NEK1: variants seen among roughly 807,000 people sequenced by gnomAD.
The protein encoded by NEK1 is serine/threonine-protein kinase Nek1.
NEK1 carries 137 observed loss-of-function variants against 182.1 expected under a neutral mutation model. The ratio of observed to expected loss-of-function variants is 0.75; its 90% CI spans 0.65 to 0.87. The LOEUF is 0.87. Among genes scored for constraint, NEK1 ranks in the 40% least tolerant of loss-of-function variants. The probability of loss-of-function intolerance (pLI) is 0.00; values close to 1 mark genes in which losing one functional copy is unlikely to be tolerated. For synonymous variants in NEK1, 513 were observed against 492.2 expected, an observed-to-expected ratio of 1.04 and a Z score of -0.56; for missense variants, 1,391 against 1,494.4, an observed-to-expected ratio of 0.93 and a Z score of 1.14.
At chr4:169,473,556 T>A (rs1340756807) in intron 26 of NEK1, among the ~76,000 whole-genome samples, 1 of 152,006 alleles carries the variant, frequency 6.6e-6, no homozygotes, top group Admixed American at 6.5e-5. Flanking sequence ...AATAAATAAA[T>A]ATTTAAAGTA....
chr4:169,436,402 T>C (rs1025328563), intron 28 of NEK1, among the ~76,000 whole-genome samples: 1 of 152,134 alleles, frequency 6.6e-6, no homozygotes, highest in African/African-American at 2.4e-5. Context: ...GAAAAACAGT[T>C]ACTGGAGGCT....
At chr4:169,494,802 A>G (rs1054862082) in intron 23 of NEK1, among the ~76,000 whole-genome samples, 2 of 152,208 alleles carry the variant, frequency 1.3e-5, no homozygotes, top group South Asian at 4.1e-4. Flanking sequence ...AACTGGTGTG[A>G]GATGGTATCT....
At chr4:169,466,349 G>A (rs1177705210) in intron 26 of NEK1, among the ~76,000 whole-genome samples, 2 of 151,924 alleles carry the variant, frequency 1.3e-5, no homozygotes, top group Non-Finnish European at 2.9e-5. Flanking sequence ...TGACGAAAGT[G>A]ACATCAAGGC....
chr4:169,548,167 C>G (rs780875033), intron 18 of NEK1, among the ~76,000 whole-genome samples: 2 of 152,124 alleles, frequency 1.3e-5, no homozygotes, highest in African/African-American at 2.4e-5. Context: ...GAGTGTATGT[C>G]CTTTTTGATA....
At chr4:169,551,188 C>CA (rs538233248) in intron 18 of NEK1, among the ~76,000 whole-genome samples, 5 of 151,840 alleles carry the variant, frequency 3.3e-5, no homozygotes, top group South Asian at 4.2e-4. Context: ...CTTTTTATTA[C>CA]AAAAAAAACT....
intron 29 of NEK1, among the ~76,000 whole-genome samples, chr4:169,431,656 C>A (rs1737460784): frequency 6.6e-6 from 1 of 151,728 alleles, no homozygotes. Flanking sequence ...GCTGGCCAGG[C>A]ACAGTCTCAT....
At chr4:169,564,780 A>G (rs1295011008) in intron 12 of NEK1, among the ~76,000 whole-genome samples, 2 of 152,192 alleles carry the variant, frequency 1.3e-5, no homozygotes, top group Non-Finnish European at 2.9e-5. Context: ...GATATCTAAA[A>G]TATGTAATAC....
intron 23 of NEK1, among the ~76,000 whole-genome samples, chr4:169,504,706 C>T (rs1035740085): frequency 2.6e-5 from 4 of 151,924 alleles, no homozygotes; most frequent in Admixed American, 6.6e-5. Context: ...TTCATGGAAA[C>T]GGAACATGAT....
intron 35 of NEK1, 115 bp from the exon 36 acceptor site, chr4:169,394,638 C>T (rs1730395141): frequency 1.8e-6 from 1 of 561,762 alleles, no homozygotes; most frequent in Non-Finnish European, 3.1e-6. Context: ...TTTAAACATA[C>T]TTTTAAAATT....
intron 19 of NEK1, among the ~76,000 whole-genome samples, chr4:169,524,490 T>TGAATGAAAAATGTC (rs1756592262): frequency 1.3e-5 from 2 of 150,368 alleles, no homozygotes; most frequent in African/African-American, 4.9e-5. Flanking sequence ...AGAAAAATGT[T>TGAATGAAAAATGTC]GAATGAAAAA....
At chr4:169,499,258 C>A (rs1244830372) in intron 23 of NEK1, among the ~76,000 whole-genome samples, 1 of 152,156 alleles carries the variant, frequency 6.6e-6, no homozygotes, top group Non-Finnish European at 1.5e-5. Flanking sequence ...CCATCAGGTT[C>A]TTTAAGGACT....
chr4:169,558,890 C>G (rs949324752), intron 16 of NEK1, among the ~76,000 whole-genome samples: 2 of 151,982 alleles, frequency 1.3e-5, no homozygotes, highest in Non-Finnish European at 1.5e-5. Context: ...TTAGTTTTAT[C>G]TTTCTTTTGG....
chr4:169,502,544 G>A (rs996814469), intron 23 of NEK1, among the ~76,000 whole-genome samples: 10 of 151,962 alleles, frequency 6.6e-5, no homozygotes, highest in East Asian at 3.9e-4. Flanking sequence ...ATGATCAAGT[G>A]AGCCTTATTC....
Position 169,394,472 on chromosome 4 carries a change from G to A in NEK1, c.*38C>T. 7.8e-7 allele frequency: 1 copy of A among 1,278,470 alleles called. No homozygotes were observed. Among genetic ancestry groups the A allele is most frequent in the Non-Finnish European group, 1.1e-6 (1 of 901,590 alleles). The allele number at this position is 1,278,470 out of a possible 1,614,324, so 79.2% of individuals were successfully genotyped here. ...TTATTCTGATAAGCCAAATTCAAAT[G>A]CTTTCATATAGTTGAGGATTAAAAA... is the stretch of plus-strand genomic sequence containing the variant. On this transcript the variant is annotated 3_prime_UTR_variant, in exon 36 of 36. Coordinates refer to ENST00000507142, the MANE Select transcript of NEK1 (RefSeq NM_001199397.3).
chr4:169,543,690 G>A (rs1422712381), intron 18 of NEK1, among the ~76,000 whole-genome samples: 2 of 152,158 alleles, frequency 1.3e-5, no homozygotes, highest in African/African-American at 2.4e-5. Context: ...TCTCCTTGAA[G>A]AGGTCCTTCA....
chr4:169,584,299 A>G (rs1767166342), intron 10 of NEK1, among the ~76,000 whole-genome samples: 1 of 152,290 alleles, frequency 6.6e-6, no homozygotes, highest in South Asian at 2.1e-4. Context: ...TATAACTATA[A>G]TATATAAATT....
chr4:169,572,389 ATAAG>A (rs1316628913), intron 12 of NEK1, among the ~76,000 whole-genome samples: 3 of 152,216 alleles, frequency 2.0e-5, no homozygotes, highest in African/African-American at 4.8e-5. Context: ...ATTTACTGAA[ATAAG>A]TAAGATCAAT....
At chr4:169,527,700 T>C (rs1038295990) in intron 19 of NEK1, among the ~76,000 whole-genome samples, 1 of 152,084 alleles carries the variant, frequency 6.6e-6, no homozygotes, top group Non-Finnish European at 1.5e-5. Context: ...TAAAATGGAA[T>C]ATTAAAGTGT....
intron 26 of NEK1, among the ~76,000 whole-genome samples, chr4:169,473,369 G>A (rs1000266805): frequency 6.6e-5 from 10 of 151,912 alleles, no homozygotes; most frequent in African/African-American, 2.4e-4. Context: ...GGCTGGGCAG[G>A]GGTGAGGGTT....
Sources: gnomAD v4.1 joint callset for allele counts (sites outside exome capture counted in the v4.1 genomes callset) on GRCh38, gnomAD v4.1.1 for gene constraint, MANE v1.5 for transcripts, NCBI Gene and HGNC (gene_info 2026-07-23, HGNC 2026-07-21) for gene names.